The following NRG3 variants were observed in gnomAD, a reference collection of about 807,000 sequenced individuals.
NRG3 encodes the protein neuregulin 3.
In NRG3, 31 loss-of-function variants were observed where a neutral mutation model predicts 66.9. The observed-to-expected ratio is 0.46, with a 90% CI of 0.35 to 0.63. NRG3 has a LOEUF of 0.63. Among genes scored for constraint, NRG3 ranks in the 20% least tolerant of loss-of-function variants. The probability of loss-of-function intolerance (pLI) is 0.00; values close to 1 mark genes in which losing one functional copy is unlikely to be tolerated. For missense variants in NRG3, 910 were observed against 878.9 expected (o/e 1.04, Z -0.45); for synonymous variants, 393 against 359.4 (o/e 1.09, Z -1.06).
intron 1 of NRG3, among the ~76,000 whole-genome samples, chr10:82,001,820 C>T (rs529261381): frequency 1.3e-5 from 2 of 152,038 alleles, no homozygotes; most frequent in East Asian, 1.9e-4. Context: ...ATAGGATCTG[C>T]GTTCATGTAA....
Position 82,738,515 on chromosome 10 carries a change from GTT to G in NRG3, c.954-61_954-60del. ...TATGTAATTGATGGCTATTTTACTTGTTGAAATCTTAAGTCTTTCACAACCAC... is the reference window on the plus strand; with the variant it reads ...TATGTAATTGATGGCTATTTTACTTGGAAATCTTAAGTCTTTCACAACCAC... On this transcript the variant is annotated intron_variant, in intron 2 of 8. Transcript: ENST00000372141. 5 of 1,307,508 alleles carry G rather than the reference GTT, an allele frequency of 3.8e-6. No homozygotes were observed. The South Asian group carries it at 5.9e-5, about 15-fold the overall frequency. 81.0% of individuals were successfully genotyped at this position (1,307,508 alleles called of 1,614,324 possible).
Position 82,926,100 on chromosome 10 carries a change from A to G in NRG3, c.1055-25369A>G, listed in dbSNP as rs111857836. 5.7e-3 allele frequency among the ~76,000 whole-genome samples: 873 copies of G among 152,332 alleles called. 5 individuals carry two copies. The highest frequency in any genetic ancestry group is 0.02 in the African/African-American group (837 of 41,572). ...TCTGCATCCATGGATTCAACCAACT[A>G]TGGATAGAAAATATTTGGAAAAGAA... On this transcript the variant is annotated intron_variant, in intron 4 of 8. Coordinates refer to ENST00000372141, the MANE Select transcript of NRG3 (RefSeq NM_001010848.4).
chr10:82,061,842 TTCTC>T (rs72439199), intron 1 of NRG3, among the ~76,000 whole-genome samples: 18 of 146,900 alleles, frequency 1.2e-4, no homozygotes, highest in East Asian at 2.0e-4. Flanking sequence ...CAGTGTCCCT[TTCTC>T]TCTCTCTCTC....
intron 2 of NRG3, among the ~76,000 whole-genome samples, chr10:82,549,998 T>G (rs2044196458): frequency 6.6e-6 from 1 of 152,126 alleles, no homozygotes. Context: ...AGGATTGTGT[T>G]GCTGGAGGCA....
intron 2 of NRG3, among the ~76,000 whole-genome samples, chr10:82,556,530 TG>T: frequency 6.6e-6 from 1 of 152,306 alleles, no homozygotes; most frequent in South Asian, 2.1e-4. Context: ...TGCCGACCAA[TG>T]GCATCTGCCC....
chr10:82,585,022 C>A (rs376134045), intron 2 of NRG3, among the ~76,000 whole-genome samples: 1 of 37,880 alleles, frequency 2.6e-5, no homozygotes, highest in Non-Finnish European at 5.1e-5. Flanking sequence ...GGGGGGGGAA[C>A]GGGGGGAGTT....
intron 1 of NRG3, among the ~76,000 whole-genome samples, chr10:81,980,482 T>C (rs2060294372): frequency 6.6e-6 from 1 of 152,180 alleles, no homozygotes; most frequent in Non-Finnish European, 1.5e-5. Flanking sequence ...CCAACATTAC[T>C]ATTTAAACCA....
At chr10:82,729,866 A>G (rs2057801051) in intron 2 of NRG3, among the ~76,000 whole-genome samples, 1 of 152,122 alleles carries the variant, frequency 6.6e-6, no homozygotes, top group Admixed American at 6.5e-5. Flanking sequence ...CTCATTTGTT[A>G]TTATATTTTT....
rs545338678 is a variant in NRG3 at position 82,901,429 on chromosome 10, G to A, written c.1054+35992G>A. Among the ~76,000 whole-genome samples, 29 of 152,038 alleles carry A rather than the reference G, an allele frequency of 1.9e-4. 1 individual carries two copies. The South Asian group carries it at 5.8e-3, about 30-fold the overall frequency. On this transcript the variant is annotated intron_variant, in intron 4 of 8. Transcript: ENST00000372141. ...AAATGGTGAGAATATGGATTATGAA[G>A]GGACAAAAGGATGGAAGCCAAAAAA...
intron 2 of NRG3, among the ~76,000 whole-genome samples, chr10:82,474,956 G>A (rs1022963292): frequency 2.0e-5 from 3 of 151,650 alleles, no homozygotes; most frequent in Non-Finnish European, 4.4e-5. Flanking sequence ...AGAGGGCAGC[G>A]GGATGGTGTA....
intron 4 of NRG3, among the ~76,000 whole-genome samples, chr10:82,885,740 C>G (rs937760133): frequency 6.6e-6 from 1 of 152,110 alleles, no homozygotes; most frequent in Non-Finnish European, 1.5e-5. Flanking sequence ...AAATGAATCC[C>G]CTTTTGAGAC....
intron 4 of NRG3, among the ~76,000 whole-genome samples, chr10:82,886,356 C>A (rs17101017): frequency 0.083 from 12,579 of 152,182 alleles, 579 homozygotes; most frequent in African/African-American, 0.13. Context: ...ACTAGCAGTA[C>A]CTCGCATATA....
At chr10:82,151,680 A>G (rs1211668193) in intron 1 of NRG3, among the ~76,000 whole-genome samples, 1 of 149,554 alleles carries the variant, frequency 6.7e-6, no homozygotes, top group Non-Finnish European at 1.5e-5. Context: ...TGAATGAAGA[A>G]GGCAAACTGA....
At chr10:82,577,570 A>G (rs2046100376) in intron 2 of NRG3, among the ~76,000 whole-genome samples, 1 of 151,802 alleles carries the variant, frequency 6.6e-6, no homozygotes, top group African/African-American at 2.4e-5. Flanking sequence ...TCATATCAGA[A>G]GGATCCCTAC....
chr10:82,333,144 GTC>G (rs2082220021), intron 1 of NRG3, among the ~76,000 whole-genome samples: 1 of 152,126 alleles, frequency 6.6e-6, no homozygotes, highest in Admixed American at 6.6e-5. Context: ...ATCTACCCCT[GTC>G]TTTTTATTCT....
intron 4 of NRG3, among the ~76,000 whole-genome samples, chr10:82,925,928 G>C (rs1846951474): frequency 6.6e-6 from 1 of 152,202 alleles, no homozygotes; most frequent in Non-Finnish European, 1.5e-5. Flanking sequence ...AGCAGGGCAG[G>C]CTGCCATGCA....
At chr10:82,004,706 T>C (rs1397694639) in intron 1 of NRG3, among the ~76,000 whole-genome samples, 1 of 152,188 alleles carries the variant, frequency 6.6e-6, no homozygotes, top group African/African-American at 2.4e-5. Flanking sequence ...GAGGTAATTA[T>C]ATTAAAATGA....
intron 2 of NRG3, among the ~76,000 whole-genome samples, chr10:82,574,843 C>T (rs998667172): frequency 1.3e-5 from 2 of 151,660 alleles, no homozygotes; most frequent in African/African-American, 2.4e-5. Context: ...GGATGAATAT[C>T]GCACAATGTC....
intron 3 of NRG3, among the ~76,000 whole-genome samples, chr10:82,823,908 T>C (rs1474994960): frequency 6.6e-6 from 1 of 152,142 alleles, no homozygotes; most frequent in Non-Finnish European, 1.5e-5. Flanking sequence ...AGCATATACA[T>C]AAAAAGTTCT....
Sources: gnomAD v4.1 joint callset for allele counts (sites outside exome capture counted in the v4.1 genomes callset) on GRCh38, gnomAD v4.1.1 for gene constraint, MANE v1.5 for transcripts, NCBI Gene and HGNC (gene_info 2026-07-23, HGNC 2026-07-21) for gene names.